Variants in SP4 observed in about 807,000 individuals in gnomAD.
The protein encoded by SP4 is transcription factor Sp4.
Under a neutral mutation model 72.8 loss-of-function variants are expected in SP4, and 19 were observed. The ratio of observed to expected loss-of-function variants is 0.26; its 90% CI spans 0.18 to 0.38. The LOEUF (loss-of-function observed/expected upper bound fraction) is 0.38, where lower values mean the gene tolerates loss of function less well. Among genes scored for constraint, SP4 ranks in the 10% least tolerant of loss-of-function variants. The pLI, the probability that SP4 is intolerant of heterozygous loss-of-function variation, is 1.00. For missense variants in SP4, 1,008 were observed against 926.3 expected, an observed-to-expected ratio of 1.09 and a Z score of -1.14; for synonymous variants, 395 against 333.1, an observed-to-expected ratio of 1.19 and a Z score of -2.02.
Position 21,428,316 on chromosome 7 carries a change from C to T in SP4, c.7+58C>T. 5.6e-6 allele frequency: 5 copies of T among 890,850 alleles called. No individual in the cohort carries two copies. In the South Asian group the frequency reaches 7.0e-5, roughly 13 times the overall value. 55.2% of individuals were successfully genotyped at this position (890,850 alleles called of 1,614,324 possible). ...GCCGCCTCCCTCTCTCCCTCCCTCCCCAGACCCTGCTCGGTTCTCCCCCCT... is the reference window on the plus strand; with the variant it reads ...GCCGCCTCCCTCTCTCCCTCCCTCCTCAGACCCTGCTCGGTTCTCCCCCCT... On this transcript the variant is annotated intron_variant, in intron 1 of 5. Transcript: ENST00000222584.
chr7:21,445,021 C>T (rs1247874879), intron 3 of SP4, among the ~76,000 whole-genome samples: 1 of 152,052 alleles, frequency 6.6e-6, no homozygotes, highest in East Asian at 1.9e-4. Context: ...GTTTTTATTA[C>T]TTTGATGGAC....
chr7:21,468,988 T>C (rs1784248818), intron 3 of SP4, among the ~76,000 whole-genome samples: 1 of 152,188 alleles, frequency 6.6e-6, no homozygotes, highest in Non-Finnish European at 1.5e-5. Context: ...TAGATAGTCT[T>C]ACAAATGTTT....
rs1245559163 is a variant in SP4 at position 21,512,303 on chromosome 7, C to A, written c.*1034C>A. 6 of 152,460 alleles carry A rather than the reference C, an allele frequency of 3.9e-5. No homozygotes were observed. Among genetic ancestry groups the A allele is most frequent in the Non-Finnish European group, 7.4e-5 (5 of 67,990 alleles). 9.4% of individuals were successfully genotyped at this position (152,460 alleles called of 1,614,324 possible). A position where few individuals can be genotyped will look rare whatever the true frequency, so the allele number is the denominator to read the frequency against. ...ATTCTCTTTTAACTACATTGTAATT[C>A]TTGTTTTCCTCTACTAAAAATTGGC... On this transcript the variant is annotated 3_prime_UTR_variant, in exon 6 of 6. Transcript: ENST00000222584.
rs773389068 is a variant in SP4, at chr7:21,430,649, C to G, written c.1484C>G (p.Thr495Ser). 6 of 1,614,100 alleles carry G rather than the reference C, an allele frequency of 3.7e-6. No homozygotes were observed. The African/African-American group carries it at 6.7e-5, about 18-fold the overall frequency. The change falls in exon 3 of 6, where the codon ACC becomes AGC. Residue 495 changes from threonine (T) to serine (S), a missense_variant. Physicochemically the swap from Thr to Ser is moderately conservative, Grantham distance 58. Transcript: ENST00000222584. ...AATGCTGGGTTATCCCAACAATTAA[C>G]CATCACCCCAGTGTCTTCAAGTGGT... ...VQNAGLSQQL[T>S]ITPVSSSGGT... is the part of the protein sequence containing the mutation.
intron 5 of SP4, among the ~76,000 whole-genome samples, chr7:21,490,332 G>A (rs569155967): frequency 8.5e-5 from 13 of 152,240 alleles, no homozygotes; most frequent in African/African-American, 3.1e-4. Context: ...GCAAGAAAAG[G>A]GGCCTTTTGC....
chr7:21,493,302 A>T (rs1258877520), intron 5 of SP4, among the ~76,000 whole-genome samples: 1 of 152,156 alleles, frequency 6.6e-6, no homozygotes, highest in Non-Finnish European at 1.5e-5. Context: ...ATCAAACAAC[A>T]CATGGGCCAA....
Position 21,428,207 on chromosome 7 carries a change from T to A in SP4, c.-45T>A. On this transcript the variant is annotated 5_prime_UTR_variant, in exon 1 of 6. Transcript: ENST00000222584. ...CGCCTCGCCCCCACCCCCACCCACCTCTATCCCAGTGTCTCCGTCTGAGGG... is the reference window on the plus strand; with the variant it reads ...CGCCTCGCCCCCACCCCCACCCACCACTATCCCAGTGTCTCCGTCTGAGGG... 4.0e-5 allele frequency: 11 copies of A among 276,336 alleles called. No homozygotes were observed. The highest frequency in any genetic ancestry group is 6.2e-5 in the Non-Finnish European group (11 of 176,072). 17.1% of individuals were successfully genotyped at this position (276,336 alleles called of 1,614,324 possible).
chr7:21,481,306 T>C (rs996174085), intron 4 of SP4, among the ~76,000 whole-genome samples: 1 of 152,214 alleles, frequency 6.6e-6, no homozygotes, highest in African/African-American at 2.4e-5. Flanking sequence ...TATTCTTAGC[T>C]GCACCAGTCT....
intron 5 of SP4, among the ~76,000 whole-genome samples, chr7:21,499,280 T>A (rs942314351): frequency 6.6e-6 from 1 of 152,178 alleles, no homozygotes; most frequent in African/African-American, 2.4e-5. Flanking sequence ...GTGGGTTGAA[T>A]TGTTTCTTCC....
At chr7:21,467,616 C>T (rs1004834933) in intron 3 of SP4, among the ~76,000 whole-genome samples, 4 of 152,054 alleles carry the variant, frequency 2.6e-5, no homozygotes, top group African/African-American at 9.7e-5. Flanking sequence ...TTATGTAAAC[C>T]AAATCCTATT....
At chr7:21,451,317 T>C (rs1320537275) in intron 3 of SP4, among the ~76,000 whole-genome samples, 2 of 152,232 alleles carry the variant, frequency 1.3e-5, no homozygotes, top group East Asian at 3.8e-4. Flanking sequence ...TCCCTGTTGC[T>C]GGCTGTGACC....
chr7:21,485,800 A>T (rs73060323), intron 5 of SP4, among the ~76,000 whole-genome samples: 6 of 152,116 alleles, frequency 3.9e-5, no homozygotes, highest in South Asian at 2.1e-4. Context: ...AATTCCAGTC[A>T]CATTTTCCTT....
At chr7:21,503,953 A>G (rs1781930617) in intron 5 of SP4, among the ~76,000 whole-genome samples, 1 of 152,104 alleles carries the variant, frequency 6.6e-6, no homozygotes, top group African/African-American at 2.4e-5. Context: ...TAGTTTTCTC[A>G]TTAGGGGTTT....
At chr7:21,484,482 C>T (rs1223243960) in intron 5 of SP4, among the ~76,000 whole-genome samples, 4 of 151,728 alleles carry the variant, frequency 2.6e-5, no homozygotes, top group East Asian at 3.8e-4. Context: ...GTTAGTATAG[C>T]GTCGCAATCC....
chr7:21,496,111 A>C (rs978222656), intron 5 of SP4, among the ~76,000 whole-genome samples: 4 of 152,194 alleles, frequency 2.6e-5, no homozygotes, highest in African/African-American at 4.8e-5. Context: ...GGAGAGTTCA[A>C]CTACAAAGAG....
chr7:21,503,436 C>T (rs1781918599), intron 5 of SP4, among the ~76,000 whole-genome samples: 1 of 152,124 alleles, frequency 6.6e-6, no homozygotes, highest in Non-Finnish European at 1.5e-5. Context: ...TGGTGATATG[C>T]TTTGTGAGAG....
chr7:21,445,988 ATGTGTGTGTGTGTGTG>A (rs4000966), intron 3 of SP4, among the ~76,000 whole-genome samples: 1,540 of 143,220 alleles, frequency 0.011, 23 homozygotes, highest in African/African-American at 0.037. Flanking sequence ...TCTTATGTGT[ATGTGTGTGTGTGTGTG>A]TGTGTGTGTG....
At chr7:21,461,538 G>A (rs892350444) in intron 3 of SP4, among the ~76,000 whole-genome samples, 2 of 152,204 alleles carry the variant, frequency 1.3e-5, no homozygotes, top group African/African-American at 2.4e-5. Context: ...GCCGCTCCAA[G>A]TGCAGGGCCC....
chr7:21,467,760 CAT>C (rs1427174964), intron 3 of SP4, among the ~76,000 whole-genome samples: 3 of 152,028 alleles, frequency 2.0e-5, no homozygotes, highest in African/African-American at 7.2e-5. Flanking sequence ...AGTTAAGAAT[CAT>C]TTTAGTATTA....
Sources: gnomAD v4.1 joint callset for allele counts (sites outside exome capture counted in the v4.1 genomes callset) on GRCh38, gnomAD v4.1.1 for gene constraint, MANE v1.5 for transcripts, NCBI Gene and HGNC (gene_info 2026-07-23, HGNC 2026-07-21) for gene names.